Variants in SOBP observed in about 807,000 individuals in gnomAD.
SOBP encodes sine oculis binding protein homolog, also known as sine oculis-binding protein homolog.
A neutral mutation model predicts 53.6 loss-of-function variants in SOBP; 4 were observed. That is an observed-to-expected ratio of 0.07 (90% CI 0.04 to 0.17). SOBP has a LOEUF of 0.17. SOBP is among the 10% of genes least tolerant of loss of function. The probability of loss-of-function intolerance (pLI) is 1.00; values close to 1 mark genes in which losing one functional copy is unlikely to be tolerated. For missense variants in SOBP, 1,088 were observed against 1,204.7 expected (o/e 0.90, Z 1.43); for synonymous variants, 584 against 522.6 (o/e 1.12, Z -1.60).
chr6:107,606,744 G>A (rs1786399947), intron 5 of SOBP, among the ~76,000 whole-genome samples: 1 of 152,240 alleles, frequency 6.6e-6, no homozygotes, highest in Non-Finnish European at 1.5e-5. Flanking sequence ...CTCCTACTTT[G>A]CTTTCTGCCT....
At position 107,659,318 on chromosome 6, in the gene SOBP, C is replaced by T. The variant is rs925504031; in HGVS notation, c.*1115C>T. 2 of 152,546 alleles carry T rather than the reference C, an allele frequency of 1.3e-5. No homozygotes were observed. Among genetic ancestry groups the T allele is most frequent in the Non-Finnish European group, 2.9e-5 (2 of 68,026 alleles). The allele number at this position is 152,546 out of a possible 1,614,324, so 9.4% of individuals were successfully genotyped here. On this transcript the variant is annotated 3_prime_UTR_variant, in exon 7 of 7. Transcript: ENST00000317357. The stretch of plus-strand genomic sequence containing the variant: ...TCATGGTTAAGAGAAATGTGCAATT[C>T]GATCCTCAATCAGTGGGTGGAGGAT...
chr6:107,623,002 C>T (rs1396162925), intron 5 of SOBP, among the ~76,000 whole-genome samples: 1 of 152,128 alleles, frequency 6.6e-6, no homozygotes, highest in East Asian at 1.9e-4. Flanking sequence ...CCTACTTTGA[C>T]CACCATCTGA....
At chr6:107,527,155 G>A (rs1783686660) in intron 3 of SOBP, among the ~76,000 whole-genome samples, 1 of 152,220 alleles carries the variant, frequency 6.6e-6, no homozygotes, top group African/African-American at 2.4e-5. Flanking sequence ...CTTTTTAAAT[G>A]AGCAAACTTC....
intron 4 of SOBP, among the ~76,000 whole-genome samples, chr6:107,574,862 C>T (rs1025843830): frequency 9.2e-5 from 14 of 152,270 alleles, no homozygotes; most frequent in African/African-American, 3.4e-4. Flanking sequence ...ACCACCCCTC[C>T]GTTTCAGCTG....
intron 5 of SOBP, among the ~76,000 whole-genome samples, chr6:107,587,602 C>T (rs1426897314): frequency 3.3e-5 from 5 of 152,160 alleles, no homozygotes; most frequent in African/African-American, 7.2e-5. Flanking sequence ...AGAGTTGACA[C>T]GCAGTACTCC....
intron 4 of SOBP, among the ~76,000 whole-genome samples, chr6:107,577,935 A>G (rs935912616): frequency 3.3e-5 from 5 of 152,082 alleles, no homozygotes; most frequent in Admixed American, 3.3e-4. Context: ...TTAGCCAGGC[A>G]TGGTGGCAGA....
At chr6:107,623,247 G>T (rs1256630030) in intron 5 of SOBP, among the ~76,000 whole-genome samples, 1 of 152,200 alleles carries the variant, frequency 6.6e-6, no homozygotes, top group Non-Finnish European at 1.5e-5. Context: ...AATGAAATTA[G>T]ATCAGGAAGG....
intron 5 of SOBP, among the ~76,000 whole-genome samples, chr6:107,598,471 A>T (rs1209928718): frequency 6.6e-6 from 1 of 152,154 alleles, no homozygotes; most frequent in African/African-American, 2.4e-5. Context: ...CGCATCATGC[A>T]TATGGGGGCC....
chr6:107,564,458 A>G (rs1315810046), intron 4 of SOBP, among the ~76,000 whole-genome samples: 1 of 152,224 alleles, frequency 6.6e-6, no homozygotes, highest in Admixed American at 6.5e-5. Context: ...TACACATGCT[A>G]CAAGAAGGTT....
chr6:107,523,806 G>A (rs572647064), intron 3 of SOBP, among the ~76,000 whole-genome samples: 2 of 152,380 alleles, frequency 1.3e-5, no homozygotes, highest in South Asian at 2.1e-4. Flanking sequence ...AGCCCTGGGA[G>A]CAGGCCAGGC....
chr6:107,639,411 A>G (rs1771209482), intron 6 of SOBP, among the ~76,000 whole-genome samples: 1 of 152,108 alleles, frequency 6.6e-6, no homozygotes, highest in Non-Finnish European at 1.5e-5. Flanking sequence ...TATGATTACA[A>G]ATGATTTCAG....
intron 5 of SOBP, among the ~76,000 whole-genome samples, chr6:107,606,981 G>C (rs1351589668): frequency 6.6e-6 from 1 of 152,208 alleles, no homozygotes; most frequent in Admixed American, 6.5e-5. Context: ...GCCTGTTGTT[G>C]GGAGAGAATC....
In SOBP at chr6:107,660,793, A is replaced by G. The variant is rs12665132; in HGVS notation, c.*2590A>G. ...CAACTCGACCTGTTCAGAGTCTCGC[A>G]CTTAGTTGATTTAGCTTCTCAAAAA... On this transcript the variant is annotated 3_prime_UTR_variant, in exon 7 of 7. Transcript: ENST00000317357. 0.046 allele frequency among the ~76,000 whole-genome samples: 7,074 copies of G among 152,268 alleles called. 387 individuals carry two copies. Among genetic ancestry groups the G allele is most frequent in the East Asian group, 0.18 (910 of 5,180 alleles).
At chr6:107,569,085 A>G (rs1784998171) in intron 4 of SOBP, among the ~76,000 whole-genome samples, 1 of 152,196 alleles carries the variant, frequency 6.6e-6, no homozygotes, top group South Asian at 2.1e-4. Context: ...AAAAGAAGAA[A>G]GGTCAGAACA....
At chr6:107,540,948 T>G (rs564937609) in intron 4 of SOBP, among the ~76,000 whole-genome samples, 11 of 152,234 alleles carry the variant, frequency 7.2e-5, no homozygotes, top group Non-Finnish European at 1.3e-4. Flanking sequence ...TTATTTAAAA[T>G]AAATTTCTTT....
At chr6:107,496,226 A>G (rs866658022) in intron 1 of SOBP, among the ~76,000 whole-genome samples, 66 of 152,330 alleles carry the variant, frequency 4.3e-4, no homozygotes, top group African/African-American at 1.6e-3. Flanking sequence ...TTTTTAAGGC[A>G]GTTCTGCAGC....
At chr6:107,657,612 G>A (rs1772121289) in intron 6 of SOBP, among the ~76,000 whole-genome samples, 1 of 152,198 alleles carries the variant, frequency 6.6e-6, no homozygotes, top group South Asian at 2.1e-4. Context: ...GGGGTTACAG[G>A]AGTGAGGTCA....
chr6:107,535,265 A>C (rs937031539), intron 4 of SOBP, among the ~76,000 whole-genome samples: 2 of 152,206 alleles, frequency 1.3e-5, no homozygotes, highest in Admixed American at 1.3e-4. Flanking sequence ...CTATATCTAT[A>C]TTGTTTACAT....
rs367777415 is a variant in SOBP at position 107,540,642 on chromosome 6, A to G, written c.573+7032A>G. Among the ~76,000 whole-genome samples, 5 of 152,332 alleles carry G rather than the reference A, an allele frequency of 3.3e-5. 1 individual carries two copies. ...CAGATCAATGGTTTAATGAATCCAT[A>G]AAGATGCTTGAACTCTGCTGCAATT... On this transcript the variant is annotated intron_variant, in intron 4 of 6. Coordinates refer to ENST00000317357, the MANE Select transcript of SOBP (RefSeq NM_018013.4).
Sources: gnomAD v4.1 joint callset for allele counts (sites outside exome capture counted in the v4.1 genomes callset) on GRCh38, gnomAD v4.1.1 for gene constraint, MANE v1.5 for transcripts, NCBI Gene and HGNC (gene_info 2026-07-23, HGNC 2026-07-21) for gene names.